LPIN2: variants seen among roughly 807,000 people sequenced by gnomAD.
The protein encoded by LPIN2 is phosphatidate phosphatase LPIN2.
LPIN2 carries 55 observed loss-of-function variants against 111.4 expected under a neutral mutation model. The observed-to-expected ratio is 0.49, with a 90% CI of 0.40 to 0.62. The LOEUF (loss-of-function observed/expected upper bound fraction) is 0.62, where lower values mean the gene tolerates loss of function less well. Among genes scored for constraint, LPIN2 ranks in the 20% least tolerant of loss-of-function variants. The pLI is 0.00. For synonymous variants in LPIN2, 425 were observed against 414.0 expected, an observed-to-expected ratio of 1.03 and a Z score of -0.32; for missense variants, 992 against 1,112.1, an observed-to-expected ratio of 0.89 and a Z score of 1.54.
intron 4 of LPIN2, chr18:2,946,329 G>C: frequency 2.6e-6 from 4 of 1,514,240 alleles, no homozygotes; most frequent in Non-Finnish European, 3.7e-6. Flanking sequence ...ACTGGCTCAG[G>C]TGGCTTCTCA....
chr18:2,971,682 G>A (rs376386699), intron 1 of LPIN2, among the ~76,000 whole-genome samples: 6 of 148,092 alleles, frequency 4.1e-5, no homozygotes, highest in East Asian at 2.1e-4. Context: ...ACAGTGTTGC[G>A]TTTTATCTCA....
intron 9 of LPIN2, among the ~76,000 whole-genome samples, chr18:2,931,007 A>AT (rs1405645837): frequency 6.6e-6 from 1 of 152,182 alleles, no homozygotes; most frequent in African/African-American, 2.4e-5. Context: ...GGGCGGCCTG[A>AT]TAACTCCCAA....
At chr18:2,978,829 G>C (rs760123857) in intron 1 of LPIN2, among the ~76,000 whole-genome samples, 1 of 152,150 alleles carries the variant, frequency 6.6e-6, no homozygotes, top group Non-Finnish European at 1.5e-5. Flanking sequence ...TCTCACCCCC[G>C]GTGCACGTTG....
In LPIN2 at chr18:2,922,103, G is replaced by A; in HGVS notation, c.2271C>T (p.Ile757=). The A allele has an allele frequency of 6.2e-7, 1 of 1,614,078 alleles. No individual in the cohort carries two copies. The highest frequency in any genetic ancestry group is 2.2e-5 in the East Asian group (1 of 44,886). The part of the protein sequence containing the change: ...YLHWVNDKGT[I]LPRGPLMLSP... Reference sequence around the variant, plus strand: ...ACAGCATCAGGGGGCCCCGGGGCAAGATTGTGCCCTTGTCATTGACCCAGT... The same window carrying A: ...ACAGCATCAGGGGGCCCCGGGGCAAAATTGTGCCCTTGTCATTGACCCAGT... Residue 757 remains isoleucine, a synonymous_variant, in exon 17 of 20, where the codon ATC becomes ATT. Transcript: ENST00000677752.
intron 6 of LPIN2, among the ~76,000 whole-genome samples, chr18:2,938,575 A>G (rs1481616166): frequency 6.6e-6 from 1 of 152,184 alleles, no homozygotes. Context: ...ACTGGAGAAG[A>G]CTGAGGAAAC....
intron 1 of LPIN2, among the ~76,000 whole-genome samples, chr18:2,965,937 A>G (rs2077795338): frequency 6.6e-6 from 1 of 152,144 alleles, no homozygotes; most frequent in Non-Finnish European, 1.5e-5. Context: ...CATTCTATTT[A>G]CTTTTATTTT....
rs113566510 is a variant in LPIN2, at chr18:3,000,118, A to AAGGAGGAGGAGGAGGAGGAGG, written c.-10+12948_-10+12968dup. Among the ~76,000 whole-genome samples, 12 of 144,284 alleles carry AAGGAGGAGGAGGAGGAGGAGG rather than the reference A, an allele frequency of 8.3e-5. No individual in the cohort carries two copies. In the South Asian group the frequency reaches 8.9e-4, roughly 11 times the overall value. 94.7% of individuals were successfully genotyped at this position (144,284 alleles called of 152,430 possible). ...GGGGAAAGAGGGGAAGGAGGGGAAG[A>AAGGAGGAGGAGGAGGAGGAGG]AGGAGGAGGAGGAGGAGGAGGAGAA... On this transcript the variant is annotated intron_variant, in intron 1 of 19. Coordinates refer to ENST00000677752, the MANE Select transcript of LPIN2 (RefSeq NM_001375808.2).
chr18:2,968,091 C>G (rs1202122760), intron 1 of LPIN2, among the ~76,000 whole-genome samples: 1 of 152,196 alleles, frequency 6.6e-6, no homozygotes, highest in Non-Finnish European at 1.5e-5. Context: ...CACAGCGGGT[C>G]TCCTGCTGCC....
Position 2,919,501 on chromosome 18 carries a change from C to T in LPIN2, c.*792G>A, listed in dbSNP as rs542453339. On this transcript the variant is annotated 3_prime_UTR_variant, in exon 20 of 20. Transcript: ENST00000677752. Reference sequence around the variant, plus strand: ...TGCATTTCGGAGGCCTCCCTAAAAGCAGAGTTGTTGGGGGCGGGGCGGGGT... The same window carrying T: ...TGCATTTCGGAGGCCTCCCTAAAAGTAGAGTTGTTGGGGGCGGGGCGGGGT... 6.6e-6 allele frequency: 1 copy of T among 152,344 alleles called. No homozygotes were observed. Among genetic ancestry groups the T allele is most frequent in the African/African-American group, 2.4e-5 (1 of 41,452 alleles). 9.4% of individuals were successfully genotyped at this position (152,344 alleles called of 1,614,324 possible).
In LPIN2 at chr18:2,931,459, G is replaced by A; in HGVS notation, c.1269-16C>T. ...CTCCGATTCACTGTGGACAGGGGATGGGGAAAAGATGTGCTTTATTACAAC... is the reference window on the plus strand; with the variant it reads ...CTCCGATTCACTGTGGACAGGGGATAGGGAAAAGATGTGCTTTATTACAAC... On this transcript the variant is annotated splice_polypyrimidine_tract_variant and intron_variant, in intron 8 of 19. Transcript: ENST00000677752. 6.4e-7 allele frequency: 1 copy of A among 1,562,634 alleles called. No individual in the cohort carries two copies. The highest frequency in any genetic ancestry group is 8.7e-7 in the Non-Finnish European group (1 of 1,154,220).
chr18:2,967,415 TC>T (rs1166384579), intron 1 of LPIN2, among the ~76,000 whole-genome samples: 2 of 151,800 alleles, frequency 1.3e-5, no homozygotes, highest in Non-Finnish European at 2.9e-5. Context: ...GGTAAAAACT[TC>T]CCCCCAAAAG....
chr18:2,922,261 CAA>C, intron 16 of LPIN2, 62 bp from the exon 17 acceptor site: 2 of 1,362,600 alleles, frequency 1.5e-6, no homozygotes, highest in South Asian at 1.3e-5. Flanking sequence ...AAACAAAAAA[CAA>C]AAAAAAAACC....
intron 4 of LPIN2, chr18:2,950,157 CA>C (rs1792811047): frequency 6.6e-6 from 1 of 152,078 alleles, no homozygotes; most frequent in East Asian, 1.9e-4. Context: ...CCATTTAAAA[CA>C]AAAGATTGGC....
chr18:2,979,375 G>A (rs1032633116), intron 1 of LPIN2, among the ~76,000 whole-genome samples: 2 of 152,148 alleles, frequency 1.3e-5, no homozygotes, highest in African/African-American at 4.8e-5. Context: ...CAACATGGTA[G>A]CATTCATACA....
intron 1 of LPIN2, among the ~76,000 whole-genome samples, chr18:2,976,602 G>T (rs1331527141): frequency 6.6e-6 from 1 of 152,114 alleles, no homozygotes; most frequent in East Asian, 1.9e-4. Context: ...GCTTCCCTGG[G>T]CATTCAACCC....
chr18:2,927,927 T>G, intron 11 of LPIN2, 116 bp from the exon 12 acceptor site: 2 of 847,712 alleles, frequency 2.4e-6, no homozygotes, highest in Non-Finnish European at 4.1e-6. Context: ...TGACCGATGC[T>G]CTCTTCACAC....
At chr18:2,989,433 C>T (rs1354343698) in intron 1 of LPIN2, among the ~76,000 whole-genome samples, 1 of 151,978 alleles carries the variant, frequency 6.6e-6, no homozygotes, top group Non-Finnish European at 1.5e-5. Flanking sequence ...CATCCGTGTT[C>T]GTGAATAGGA....
intron 1 of LPIN2, among the ~76,000 whole-genome samples, chr18:2,998,194 C>T (rs2078374393): frequency 6.6e-6 from 1 of 152,238 alleles, no homozygotes; most frequent in Admixed American, 6.5e-5. Flanking sequence ...AAGGCTGTGG[C>T]CATACCAACA....
At chr18:2,989,207 A>G (rs1178786427) in intron 1 of LPIN2, among the ~76,000 whole-genome samples, 1 of 152,206 alleles carries the variant, frequency 6.6e-6, no homozygotes, top group Non-Finnish European at 1.5e-5. Flanking sequence ...CTAGAGCTCA[A>G]GATGTCTTCC....
Sources: allele counts gnomAD v4.1 joint callset (sites outside exome capture counted in the v4.1 genomes callset), GRCh38; gene constraint gnomAD v4.1.1; transcripts MANE v1.5; gene names NCBI Gene and HGNC (gene_info 2026-07-23, HGNC 2026-07-21).